TNS3: variants seen among roughly 807,000 people sequenced by gnomAD.
The protein encoded by TNS3 is tensin-3.
TNS3 carries 45 observed loss-of-function variants against 140.9 expected under a neutral mutation model. The ratio of observed to expected loss-of-function variants is 0.32; its 90% CI spans 0.25 to 0.41. The LOEUF (loss-of-function observed/expected upper bound fraction) is 0.41, where lower values mean the gene tolerates loss of function less well. Among genes scored for constraint, TNS3 ranks in the 10% least tolerant of loss-of-function variants. The pLI, the probability that TNS3 is intolerant of heterozygous loss-of-function variation, is 1.00. For synonymous variants in TNS3, 815 were observed against 788.4 expected, an observed-to-expected ratio of 1.03 and a Z score of -0.56; for missense variants, 1,716 against 1,906.7, an observed-to-expected ratio of 0.90 and a Z score of 1.86.
At position 47,496,378 on chromosome 7, in the gene TNS3, G is replaced by A. The variant is rs1798007614; in HGVS notation, c.-115+10529C>T. Reference sequence around the variant, plus strand: ...GTGGAAGGAGGGACGTTTCCCCTGTGACCAGAGCTGATGGGCAGGAGGTGC... The same window carrying A: ...GTGGAAGGAGGGACGTTTCCCCTGTAACCAGAGCTGATGGGCAGGAGGTGC... On this transcript the variant is annotated intron_variant, in intron 3 of 30. Coordinates refer to ENST00000311160, the MANE Select transcript of TNS3 (RefSeq NM_022748.12). 1.3e-5 allele frequency among the ~76,000 whole-genome samples: 2 copies of A among 152,142 alleles called. 1 individual carries two copies. The highest frequency in any genetic ancestry group is 4.1e-4 in the South Asian group (2 of 4,830).
At chr7:47,551,982 G>A (rs1031646516) in intron 1 of TNS3, among the ~76,000 whole-genome samples, 1 of 147,868 alleles carries the variant, frequency 6.8e-6, no homozygotes. Flanking sequence ...TTCTTGTGTT[G>A]GAGTGCTTTT....
At chr7:47,434,552 A>G (rs1000648347) in intron 8 of TNS3, among the ~76,000 whole-genome samples, 10 of 152,222 alleles carry the variant, frequency 6.6e-5, no homozygotes, top group African/African-American at 2.2e-4. Context: ...CTTACCCCTC[A>G]GTGAGTTTGC....
At chr7:47,517,382 G>A (rs1261990054) in intron 2 of TNS3, among the ~76,000 whole-genome samples, 9 of 152,078 alleles carry the variant, frequency 5.9e-5, no homozygotes, top group African/African-American at 9.7e-5. Context: ...CTTTACCCCC[G>A]AAAGCCACCC....
chr7:47,405,437 A>G, intron 13 of TNS3: 1 of 694,220 alleles, frequency 1.4e-6, no homozygotes, highest in South Asian at 1.5e-5. Flanking sequence ...TTGGAGGGTA[A>G]AAAGTTAGAT....
intron 4 of TNS3, among the ~76,000 whole-genome samples, chr7:47,463,573 C>A (rs1367011372): frequency 6.6e-6 from 1 of 152,170 alleles, no homozygotes; most frequent in Non-Finnish European, 1.5e-5. Flanking sequence ...TGCTTAGGGA[C>A]ACTGGACATC....
chr7:47,421,081 C>G (rs1453239185), intron 10 of TNS3, among the ~76,000 whole-genome samples: 1 of 152,140 alleles, frequency 6.6e-6, no homozygotes, highest in African/African-American at 2.4e-5. Flanking sequence ...GAGATCAGCT[C>G]CCCAAAGAAA....
In TNS3 at chr7:47,303,447, C is replaced by T; in HGVS notation, c.2960G>A (p.Cys987Tyr). 6.2e-7 allele frequency: 1 copy of T among 1,612,990 alleles called. No homozygotes were observed. Among genetic ancestry groups the T allele is most frequent in the Non-Finnish European group, 8.5e-7 (1 of 1,180,010 alleles). ...GTRKDSPVLS[C>Y]FPPSELQAPF... ...AGCCTGGAGCTCTGACGGCGGGAAG[C>T]AGGACAGCACTGGGGAGTCCTTCCT... The change falls in exon 22 of 31, where the codon TGC (cysteine) becomes TAC (tyrosine). Residue 987 changes from cysteine to tyrosine, a missense_variant. Cys to Tyr is a radical substitution (Grantham distance 194, BLOSUM62 -2). Transcript: ENST00000311160.
intron 1 of TNS3, among the ~76,000 whole-genome samples, chr7:47,555,219 G>A (rs1380935076): frequency 6.6e-6 from 1 of 151,026 alleles, no homozygotes; most frequent in African/African-American, 2.4e-5. Context: ...TGGCCAACAC[G>A]GTGAAACCCT....
chr7:47,547,226 G>A (rs1799946142), intron 1 of TNS3, among the ~76,000 whole-genome samples: 1 of 152,162 alleles, frequency 6.6e-6, no homozygotes, highest in Non-Finnish European at 1.5e-5. Context: ...GTAAGCAGAG[G>A]CTCAGGAGCA....
At chr7:47,376,406 A>G (rs1186548528) in intron 16 of TNS3, among the ~76,000 whole-genome samples, 1 of 151,966 alleles carries the variant, frequency 6.6e-6, no homozygotes, top group Non-Finnish European at 1.5e-5. Flanking sequence ...TTCTGGAAAC[A>G]CCCCTCTCTT....
chr7:47,361,206 C>CAAAAAAAA (rs56823708), intron 17 of TNS3, among the ~76,000 whole-genome samples: 499 of 47,076 alleles, frequency 0.011, 23 homozygotes, highest in African/African-American at 0.021. Flanking sequence ...GTAACCATGC[C>CAAAAAAAA]AAAAAAAAAA....
chr7:47,326,443 A>C (rs2150882672), intron 20 of TNS3, among the ~76,000 whole-genome samples: 1 of 152,270 alleles, frequency 6.6e-6, no homozygotes, highest in South Asian at 2.1e-4. Context: ...CTGCCCCTAC[A>C]GGAGGACAAG....
chr7:47,436,258 T>C (rs1445440319), intron 7 of TNS3, among the ~76,000 whole-genome samples: 1 of 152,248 alleles, frequency 6.6e-6, no homozygotes, highest in African/African-American at 2.4e-5. Flanking sequence ...ATAAATTCTA[T>C]ACTCTACTAT....
At chr7:47,370,777 C>T (rs1382729947) in intron 16 of TNS3, among the ~76,000 whole-genome samples, 2 of 152,178 alleles carry the variant, frequency 1.3e-5, no homozygotes, top group African/African-American at 2.4e-5. Flanking sequence ...GCCCACGCTG[C>T]GTGGGCACCT....
At chr7:47,393,400 C>G (rs897589350) in intron 16 of TNS3, among the ~76,000 whole-genome samples, 2 of 152,142 alleles carry the variant, frequency 1.3e-5, no homozygotes, top group African/African-American at 4.8e-5. Flanking sequence ...AGGCTCCGTG[C>G]TTGTCTGTAA....
At chr7:47,371,763 A>T (rs1284261253) in intron 16 of TNS3, among the ~76,000 whole-genome samples, 1 of 151,364 alleles carries the variant, frequency 6.6e-6, no homozygotes, top group Non-Finnish European at 1.5e-5. Flanking sequence ...TGTTAATGCC[A>T]TCACTAGGTG....
chr7:47,470,489 GCATT>G (rs1214414715), intron 4 of TNS3: 4 of 985,326 alleles, frequency 4.1e-6, no homozygotes, highest in Non-Finnish European at 4.8e-6. Flanking sequence ...AGACTTGGCA[GCATT>G]CATTCATTCG....
chr7:47,360,673 C>T (rs2151087789), intron 17 of TNS3, among the ~76,000 whole-genome samples: 1 of 152,324 alleles, frequency 6.6e-6, no homozygotes, highest in African/African-American at 2.4e-5. Flanking sequence ...GGCAGAGGTG[C>T]TGCCATCAGC....
chr7:47,556,279 T>A (rs1800193618), intron 1 of TNS3, among the ~76,000 whole-genome samples: 1 of 152,186 alleles, frequency 6.6e-6, no homozygotes, highest in Non-Finnish European at 1.5e-5. Flanking sequence ...ACGTGATTTT[T>A]AAAAAATTAC....
Sources: gnomAD v4.1 joint callset for allele counts (sites outside exome capture counted in the v4.1 genomes callset) on GRCh38, gnomAD v4.1.1 for gene constraint, MANE v1.5 for transcripts, NCBI Gene and HGNC (gene_info 2026-07-23, HGNC 2026-07-21) for gene names.